The following UBE2K variants were observed in gnomAD, a reference collection of about 807,000 sequenced individuals.
The protein encoded by UBE2K is ubiquitin-conjugating enzyme E2 K.
A neutral mutation model predicts 30.0 loss-of-function variants in UBE2K; 6 were observed. That is an observed-to-expected ratio of 0.20 (90% CI 0.11 to 0.39). The LOEUF (loss-of-function observed/expected upper bound fraction) is 0.39, where lower values mean the gene tolerates loss of function less well. UBE2K is among the 10% of genes least tolerant of loss of function. The pLI, the probability that UBE2K is intolerant of heterozygous loss-of-function variation, is 1.00. For missense variants in UBE2K, 61 were observed against 241.6 expected (o/e 0.25, Z 4.96); for synonymous variants, 86 against 83.7 (o/e 1.03, Z -0.15).
chr4:39,737,077 GGAT>G (rs1720419072), intron 1 of UBE2K, among the ~76,000 whole-genome samples: 1 of 152,106 alleles, frequency 6.6e-6, no homozygotes, highest in Non-Finnish European at 1.5e-5. Flanking sequence ...GTTCATCTGT[GGAT>G]GATTAGATTT....
chr4:39,714,531 TATATATATATATA>T (rs1283065256), intron 1 of UBE2K: 3 of 31,328 alleles, frequency 9.6e-5, no homozygotes, highest in South Asian at 1.2e-3. Flanking sequence ...TATATATATA[TATATATATATATA>T]TATATATTTT....
Position 39,755,905 on chromosome 4 carries a change from C to T in UBE2K, c.299+166C>T, listed in dbSNP as rs138858087. ...ACTGAAAATGCATTATAATTGAGAT[C>T]ACAATCCATATTTAAATAGAAACTT... On this transcript the variant is annotated intron_variant, in intron 4 of 6. Transcript: ENST00000261427. 6.8e-3 allele frequency among the ~76,000 whole-genome samples: 1,037 copies of T among 152,262 alleles called. 5 individuals are homozygous for T. The highest frequency in any genetic ancestry group is 0.011 in the Non-Finnish European group (754 of 68,024).
chr4:39,775,813 T>A (rs941139271), intron 5 of UBE2K, among the ~76,000 whole-genome samples: 2 of 152,172 alleles, frequency 1.3e-5, no homozygotes, highest in Non-Finnish European at 2.9e-5. Flanking sequence ...TTTTTTTTTT[T>A]AAACTTAGAA....
chr4:39,710,516 G>A (rs1718610020), intron 1 of UBE2K, among the ~76,000 whole-genome samples: 1 of 152,014 alleles, frequency 6.6e-6, no homozygotes, highest in Non-Finnish European at 1.5e-5. Context: ...CAGTCCTCCT[G>A]CCTCAGCCTC....
At chr4:39,771,142 T>C (rs1712792719) in intron 4 of UBE2K, 2 of 1,612,658 alleles carry the variant, frequency 1.2e-6, no homozygotes, top group Admixed American at 3.3e-5. Flanking sequence ...GTTGACGATG[T>C]CCCTAACAGC....
intron 1 of UBE2K, among the ~76,000 whole-genome samples, chr4:39,727,130 T>G (rs569566311): frequency 6.6e-6 from 1 of 152,344 alleles, no homozygotes; most frequent in African/African-American, 2.4e-5. Flanking sequence ...TACAGTTACA[T>G]TATTCTTCTT....
intron 1 of UBE2K, among the ~76,000 whole-genome samples, chr4:39,731,508 T>C (rs1227873076): frequency 1.3e-5 from 2 of 151,958 alleles, no homozygotes; most frequent in African/African-American, 4.8e-5. Context: ...GATGAAACCT[T>C]GTCTCTAGTA....
chr4:39,757,566 C>G (rs779382826), intron 4 of UBE2K, among the ~76,000 whole-genome samples: 1 of 151,808 alleles, frequency 6.6e-6, no homozygotes, highest in African/African-American at 2.4e-5. Context: ...TCAATATATT[C>G]TATATTCCAT....
At chr4:39,708,190 G>A (rs302934) in intron 1 of UBE2K, among the ~76,000 whole-genome samples, 125,431 of 152,032 alleles carry the variant, frequency 0.83, 52,309 homozygotes, top group East Asian at 0.92. Flanking sequence ...GTGAGCCACC[G>A]CGCCTGGCCG....
intron 1 of UBE2K, among the ~76,000 whole-genome samples, chr4:39,709,392 G>A (rs1441518761): frequency 6.6e-6 from 1 of 151,958 alleles, no homozygotes; most frequent in African/African-American, 2.4e-5. Context: ...TGGGGCTAGT[G>A]GCCAAGTAGT....
At chr4:39,712,033 T>C (rs903592941) in intron 1 of UBE2K, among the ~76,000 whole-genome samples, 6 of 149,798 alleles carry the variant, frequency 4.0e-5, no homozygotes, top group African/African-American at 1.5e-4. Flanking sequence ...AGAGGGAGAC[T>C]CTGTCTCAAA....
intron 2 of UBE2K, among the ~76,000 whole-genome samples, chr4:39,742,034 G>C (rs1560361121): frequency 6.6e-6 from 1 of 152,048 alleles, no homozygotes; most frequent in African/African-American, 2.4e-5. Context: ...TAACATAAGG[G>C]ATAGAAATAA....
Position 39,742,945 on chromosome 4 carries a change from CTGAGGCACA to C in UBE2K, c.158-2806_158-2798del, listed in dbSNP as rs1720782105. On this transcript the variant is annotated intron_variant, in intron 2 of 6. Coordinates refer to ENST00000261427, the MANE Select transcript of UBE2K (RefSeq NM_005339.5). ...CCTGTAAACCCAGTTACTCAGGAGACTGAGGCACAAGATTTGCTGGAACCTGAAAGGTGG... is the reference window on the plus strand; with the variant it reads ...CCTGTAAACCCAGTTACTCAGGAGACAGATTTGCTGGAACCTGAAAGGTGG... Among the ~76,000 whole-genome samples, 5 of 151,748 alleles carry C rather than the reference CTGAGGCACA, an allele frequency of 3.3e-5. No individual in the cohort carries two copies. In the South Asian group the frequency reaches 8.3e-4, roughly 25 times the overall value.
chr4:39,770,446 GGCACTTGGT>G, intron 4 of UBE2K: 1 of 1,611,810 alleles, frequency 6.2e-7, no homozygotes. Flanking sequence ...AACACTTCCG[GGCACTTGGT>G]GCACTTGATG....
intron 4 of UBE2K, chr4:39,770,661 C>T: frequency 4.4e-6 from 7 of 1,585,550 alleles, no homozygotes; most frequent in Non-Finnish European, 6.0e-6. Flanking sequence ...CTTCACCACA[C>T]CCTGCGGTGG....
At chr4:39,769,218 T>G (rs1560378124) in intron 4 of UBE2K, among the ~76,000 whole-genome samples, 3 of 151,732 alleles carry the variant, frequency 2.0e-5, no homozygotes, top group Admixed American at 6.6e-5. Flanking sequence ...TTTTTGTTTT[T>G]TTTTTTTTTT....
intron 2 of UBE2K, among the ~76,000 whole-genome samples, chr4:39,744,973 TTATGTC>T (rs1457248805): frequency 4.8e-4 from 68 of 141,544 alleles, no homozygotes; most frequent in African/African-American, 2.1e-3. Flanking sequence ...TAGTTTGTCT[TTATGTC>T]TATCTCTCTT....
chr4:39,756,595 G>A (rs1330123786), intron 4 of UBE2K, among the ~76,000 whole-genome samples: 2 of 152,034 alleles, frequency 1.3e-5, no homozygotes, highest in Admixed American at 1.3e-4. Context: ...TGGGAATACA[G>A]GCGCATACCA....
At chr4:39,717,991 T>G in intron 1 of UBE2K, among the ~76,000 whole-genome samples, 1 of 152,008 alleles carries the variant, frequency 6.6e-6, no homozygotes, top group East Asian at 1.9e-4. Flanking sequence ...AAAGGCAGTG[T>G]GGACCCAAAG....
Sources: gnomAD v4.1 joint callset for allele counts (sites outside exome capture counted in the v4.1 genomes callset) on GRCh38, gnomAD v4.1.1 for gene constraint, MANE v1.5 for transcripts, NCBI Gene and HGNC (gene_info 2026-07-23, HGNC 2026-07-21) for gene names.